The following CPED1 variants were observed in gnomAD, a reference collection of about 807,000 sequenced individuals.
CPED1 encodes the protein cadherin like and PC-esterase domain containing 1.
Under a neutral mutation model 128.2 loss-of-function variants are expected in CPED1, and 114 were observed. The ratio of observed to expected loss-of-function variants is 0.89; its 90% CI spans 0.76 to 1.04. The LOEUF (loss-of-function observed/expected upper bound fraction) is 1.04. CPED1 is among the 50% of genes least tolerant of loss of function. The probability of loss-of-function intolerance (pLI) is 0.00; values close to 1 mark genes in which losing one functional copy is unlikely to be tolerated. For missense variants in CPED1, 1,211 were observed against 1,207.1 expected, an observed-to-expected ratio of 1.00 and a Z score of -0.05; for synonymous variants, 462 against 426.7, an observed-to-expected ratio of 1.08 and a Z score of -1.02.
At chr7:121,230,767 C>T (rs779874928) in intron 16 of CPED1, among the ~76,000 whole-genome samples, 1 of 152,046 alleles carries the variant, frequency 6.6e-6, no homozygotes, top group Non-Finnish European at 1.5e-5. Context: ...CAAGTTTATA[C>T]TTACATTTCA....
intron 14 of CPED1, among the ~76,000 whole-genome samples, chr7:121,138,920 G>T (rs1365415533): frequency 1.3e-5 from 2 of 151,726 alleles, no homozygotes; most frequent in East Asian, 3.9e-4. Flanking sequence ...TGTTTTTATT[G>T]TGCTTATCTC....
At chr7:121,002,697 C>T (rs1044295900) in intron 2 of CPED1, among the ~76,000 whole-genome samples, 1 of 152,064 alleles carries the variant, frequency 6.6e-6, no homozygotes, top group African/African-American at 2.4e-5. Flanking sequence ...AAAGTATGAC[C>T]ATGTTTGCTT....
chr7:121,268,701 C>G (rs1338130004), intron 21 of CPED1, among the ~76,000 whole-genome samples: 1 of 151,986 alleles, frequency 6.6e-6, no homozygotes, highest in East Asian at 2.0e-4. Flanking sequence ...TCAGGCTGAG[C>G]ATATTTCAGT....
intron 16 of CPED1, among the ~76,000 whole-genome samples, chr7:121,216,824 C>T (rs1797769560): frequency 1.3e-5 from 2 of 151,978 alleles, no homozygotes; most frequent in South Asian, 2.1e-4. Flanking sequence ...TATGGTGGTC[C>T]GTTGTCCACA....
chr7:121,124,706 G>A (rs1455741901), intron 8 of CPED1, among the ~76,000 whole-genome samples: 2 of 152,082 alleles, frequency 1.3e-5, no homozygotes, highest in African/African-American at 2.4e-5. Flanking sequence ...AAGAAGTAAA[G>A]TGCGCATTTT....
rs200776772 is a variant in CPED1 at position 121,130,262 on chromosome 7, G to A, written c.1545G>A (p.Met515Ile). 5.0e-6 allele frequency: 8 copies of A among 1,606,426 alleles called. No individual in the cohort carries two copies. The African/African-American group carries it at 1.1e-4, about 22-fold the overall frequency. Residue 515 changes from methionine to isoleucine, a missense_variant, in exon 12 of 23, where the codon ATG (methionine) becomes ATA (isoleucine). Met to Ile is a conservative substitution (Grantham distance 10). Transcript: ENST00000310396. ...LLNVFEQFQF[M>I]NKKTQPHPLE... ...ATGTATTTGAACAATTTCAGTTCAT[G>A]AATAAAAAGACACAGCCACATCCAC...
At chr7:121,014,439 T>C (rs1198236305) in intron 2 of CPED1, among the ~76,000 whole-genome samples, 3 of 151,580 alleles carry the variant, frequency 2.0e-5, no homozygotes, top group Admixed American at 6.6e-5. Context: ...TAGTCCCAGC[T>C]ACTTGGGAGG....
chr7:121,222,522 T>C (rs547948445), intron 16 of CPED1, among the ~76,000 whole-genome samples: 5 of 152,322 alleles, frequency 3.3e-5, no homozygotes, highest in African/African-American at 7.2e-5. Flanking sequence ...GGGGATAGCA[T>C]TGAATCTATA....
At chr7:121,064,346 A>G (rs1163408500) in intron 5 of CPED1, 33 bp downstream of exon 5, 3 of 1,433,760 alleles carry the variant, frequency 2.1e-6, no homozygotes, top group South Asian at 1.1e-5. Context: ...AGGCTTAAAC[A>G]TGTGAGATAT....
At chr7:121,189,149 C>T (rs1797070041) in intron 16 of CPED1, among the ~76,000 whole-genome samples, 1 of 152,080 alleles carries the variant, frequency 6.6e-6, no homozygotes, top group Non-Finnish European at 1.5e-5. Context: ...ATTTTCCTTG[C>T]TCCAAGATAG....
chr7:121,235,769 C>T (rs779207373), intron 16 of CPED1, among the ~76,000 whole-genome samples: 7 of 152,024 alleles, frequency 4.6e-5, no homozygotes, highest in Non-Finnish European at 8.8e-5. Flanking sequence ...AGTTATCAAA[C>T]GGTGAAGAGC....
intron 18 of CPED1, among the ~76,000 whole-genome samples, chr7:121,244,682 A>C (rs988253289): frequency 6.6e-6 from 1 of 152,194 alleles, no homozygotes; most frequent in Non-Finnish European, 1.5e-5. Context: ...GGCCTTGTCA[A>C]CTGCAGCTCT....
intron 7 of CPED1, among the ~76,000 whole-genome samples, chr7:121,107,356 C>G (rs1795003702): frequency 6.6e-6 from 1 of 152,038 alleles, no homozygotes; most frequent in Non-Finnish European, 1.5e-5. Flanking sequence ...AGTCAGCAAA[C>G]AGGAGAACAA....
chr7:121,153,599 C>T (rs1336033536), intron 16 of CPED1, among the ~76,000 whole-genome samples: 1 of 152,122 alleles, frequency 6.6e-6, no homozygotes, highest in African/African-American at 2.4e-5. Flanking sequence ...AAAGGAGGCA[C>T]AAAGAACTTG....
chr7:121,054,283 C>T (rs535201400), intron 4 of CPED1, among the ~76,000 whole-genome samples: 10 of 152,298 alleles, frequency 6.6e-5, no homozygotes, highest in Non-Finnish European at 1.2e-4. Context: ...TGTTTGCCAT[C>T]CAACACCACA....
intron 2 of CPED1, among the ~76,000 whole-genome samples, chr7:121,000,590 C>A (rs1169067871): frequency 6.6e-6 from 1 of 152,078 alleles, no homozygotes; most frequent in Non-Finnish European, 1.5e-5. Context: ...GTGTCCCTAA[C>A]CTTTATCTGG....
At chr7:121,018,444 G>A (rs1022548591) in intron 3 of CPED1, among the ~76,000 whole-genome samples, 4 of 152,116 alleles carry the variant, frequency 2.6e-5, no homozygotes, top group Admixed American at 1.3e-4. Context: ...CCTGGGGGAA[G>A]AGGAAACAAT....
At chr7:121,132,110 A>T (rs1168082914) in intron 12 of CPED1, among the ~76,000 whole-genome samples, 1 of 152,124 alleles carries the variant, frequency 6.6e-6, no homozygotes, top group African/African-American at 2.4e-5. Flanking sequence ...AAATCTAATT[A>T]TCTTCAAGGT....
intron 7 of CPED1, among the ~76,000 whole-genome samples, chr7:121,103,992 A>G (rs1357345719): frequency 6.6e-6 from 1 of 152,148 alleles, no homozygotes; most frequent in African/African-American, 2.4e-5. Flanking sequence ...AACTATTTTT[A>G]ATGCCCTTCT....
Sources: allele counts gnomAD v4.1 joint callset (sites outside exome capture counted in the v4.1 genomes callset), GRCh38; gene constraint gnomAD v4.1.1; transcripts MANE v1.5; gene names NCBI Gene and HGNC (gene_info 2026-07-23, HGNC 2026-07-21).